The following LINGO1 variants were observed in gnomAD, a reference collection of about 807,000 sequenced individuals.
LINGO1 encodes leucine rich repeat and Ig domain containing 1.
In LINGO1, 11 loss-of-function variants were observed where a neutral mutation model predicts 37.3. The observed-to-expected ratio is 0.29, with a 90% CI of 0.19 to 0.49. The LOEUF is 0.49. Ranked by LOEUF, LINGO1 falls within the 20% of genes least tolerant of loss-of-function variation. LINGO1 has a pLI of 0.99. For missense variants in LINGO1, 585 were observed against 878.2 expected (o/e 0.67, Z 4.22); for synonymous variants, 387 against 403.0 (o/e 0.96, Z 0.48).
chr15:77,658,226 GCTCTT>G (rs2074910385), intron 3 of LINGO1, among the ~76,000 whole-genome samples: 2 of 152,208 alleles, frequency 1.3e-5, no homozygotes, highest in Non-Finnish European at 2.9e-5. Flanking sequence ...CTGGGCAGTA[GCTCTT>G]CTCTTCACTT....
chr15:77,709,656 A>G (rs1016179417), intron 2 of LINGO1, among the ~76,000 whole-genome samples: 1 of 152,200 alleles, frequency 6.6e-6, no homozygotes, highest in African/African-American at 2.4e-5. Flanking sequence ...ATCACTGCTG[A>G]AAGGTCTTTC....
At chr15:77,745,968 A>G (rs12905876) in intron 1 of LINGO1, among the ~76,000 whole-genome samples, 25,827 of 151,816 alleles carry the variant, frequency 0.17, 3,364 homozygotes, top group African/African-American at 0.36. Context: ...GGTGGCTCAC[A>G]TCTGCAATCT....
At chr15:77,819,535 A>C (rs1566969260) in intron 1 of LINGO1, 1 of 150,734 alleles carries the variant, frequency 6.6e-6, no homozygotes, top group African/African-American at 2.4e-5. Flanking sequence ...TGCCGGCAGA[A>C]TCTCTACCGC....
chr15:77,781,594 C>T (rs2076717535), intron 1 of LINGO1, among the ~76,000 whole-genome samples: 1 of 152,216 alleles, frequency 6.6e-6, no homozygotes, highest in South Asian at 2.1e-4. Context: ...AGTCGCTGCA[C>T]GTGGTGCCTC....
intron 1 of LINGO1, among the ~76,000 whole-genome samples, chr15:77,738,834 G>A (rs1365394792): frequency 6.7e-6 from 1 of 150,136 alleles, no homozygotes; most frequent in African/African-American, 2.5e-5. Context: ...GAAGGAAGGG[G>A]CACAGCCAAC....
At chr15:77,742,882 C>A (rs2076278358) in intron 1 of LINGO1, among the ~76,000 whole-genome samples, 3 of 152,318 alleles carry the variant, frequency 2.0e-5, no homozygotes, top group South Asian at 4.1e-4. Flanking sequence ...AGGTGTGGAC[C>A]AGCCCTGGCA....
chr15:77,708,473 T>C (rs2075879612), intron 2 of LINGO1, among the ~76,000 whole-genome samples: 1 of 152,024 alleles, frequency 6.6e-6, no homozygotes, highest in Non-Finnish European at 1.5e-5. Flanking sequence ...TTGAATAGTG[T>C]CCCCCCAAAT....
At chr15:77,781,656 G>A (rs2076718431) in intron 1 of LINGO1, among the ~76,000 whole-genome samples, 1 of 152,194 alleles carries the variant, frequency 6.6e-6, no homozygotes, top group Admixed American at 6.5e-5. Flanking sequence ...TACACCACCA[G>A]GCGTGTTCAC....
chr15:77,802,177 C>G (rs1320974143), intron 1 of LINGO1, among the ~76,000 whole-genome samples: 2 of 151,974 alleles, frequency 1.3e-5, no homozygotes, highest in East Asian at 1.9e-4. Flanking sequence ...GTATGTGGTG[C>G]TTACAGATAG....
At chr15:77,771,138 G>A (rs1023910928) in intron 1 of LINGO1, among the ~76,000 whole-genome samples, 8 of 152,158 alleles carry the variant, frequency 5.3e-5, no homozygotes, top group Middle Eastern at 3.2e-3. Flanking sequence ...AGTTGAACCC[G>A]CAGCTCTTAA....
chr15:77,768,510 G>A (rs2076552409), intron 1 of LINGO1, among the ~76,000 whole-genome samples: 1 of 152,236 alleles, frequency 6.6e-6, no homozygotes, highest in Non-Finnish European at 1.5e-5. Context: ...TGTGAGGAGA[G>A]CCATGAAGGA....
At chr15:77,649,683 G>T (rs1222583890) in intron 3 of LINGO1, among the ~76,000 whole-genome samples, 1 of 152,114 alleles carries the variant, frequency 6.6e-6, no homozygotes, top group Non-Finnish European at 1.5e-5. Context: ...CTGGAGGATA[G>T]AAACCAAGGG....
chr15:77,643,138 C>T (rs913231483), intron 3 of LINGO1, among the ~76,000 whole-genome samples: 3 of 152,258 alleles, frequency 2.0e-5, no homozygotes, highest in Non-Finnish European at 4.4e-5. Context: ...ACCTGCCTGT[C>T]TGTCACCCGC....
In LINGO1 at chr15:77,663,830, G is replaced by C. The variant is rs375200232; in HGVS notation, c.-13+13259C>G. Among the ~76,000 whole-genome samples, 69 of 152,340 alleles carry C rather than the reference G, an allele frequency of 4.5e-4. 1 individual carries two copies. The highest frequency in any genetic ancestry group is 1.5e-3 in the African/African-American group (64 of 41,576). ...TCTGTCACCCTCCATGCAATCAGCTGAGTGTGGCATAAATGACCCATGAGT... is the reference window on the plus strand; with the variant it reads ...TCTGTCACCCTCCATGCAATCAGCTCAGTGTGGCATAAATGACCCATGAGT... On this transcript the variant is annotated intron_variant, in intron 3 of 3. Coordinates refer to the LINGO1 transcript ENST00000559893.
intron 2 of LINGO1, among the ~76,000 whole-genome samples, chr15:77,688,262 T>G (rs1567522692): frequency 6.6e-6 from 1 of 152,238 alleles, no homozygotes; most frequent in Admixed American, 6.5e-5. Flanking sequence ...CCACTGTCTC[T>G]GCTACTCTCA....
At chr15:77,779,344 G>A (rs1383666300) in intron 1 of LINGO1, among the ~76,000 whole-genome samples, 2 of 152,116 alleles carry the variant, frequency 1.3e-5, no homozygotes, top group Non-Finnish European at 2.9e-5. Flanking sequence ...GCCCAGGGTT[G>A]GGGAGATGGT....
At chr15:77,665,948 C>G (rs1350942575) in intron 3 of LINGO1, among the ~76,000 whole-genome samples, 3 of 152,226 alleles carry the variant, frequency 2.0e-5, no homozygotes, top group African/African-American at 7.2e-5. Context: ...GGTTCTGGCT[C>G]ACTGAGCAAG....
At chr15:77,631,887 G>C (rs575392396) in intron 1 of LINGO1, among the ~76,000 whole-genome samples, 1 of 152,180 alleles carries the variant, frequency 6.6e-6, no homozygotes, top group East Asian at 2.0e-4. Context: ...GTGTCCACCA[G>C]CTAGGGAGTG....
intron 3 of LINGO1, among the ~76,000 whole-genome samples, chr15:77,656,388 A>G (rs997832212): frequency 3.9e-5 from 6 of 152,118 alleles, no homozygotes; most frequent in African/African-American, 9.7e-5. Flanking sequence ...TAAAAAACAC[A>G]GAGAAATGGG....
Sources: allele counts gnomAD v4.1 joint callset (sites outside exome capture counted in the v4.1 genomes callset), GRCh38; gene constraint gnomAD v4.1.1; transcripts MANE v1.5; gene names NCBI Gene and HGNC (gene_info 2026-07-23, HGNC 2026-07-21).